The following PARD3 variants were observed in gnomAD, a reference collection of about 807,000 sequenced individuals.
PARD3 encodes par-3 family cell polarity regulator, also known as partitioning defective 3 homolog.
A neutral mutation model predicts 155.4 loss-of-function variants in PARD3; 75 were observed. The ratio of observed to expected loss-of-function variants is 0.48; its 90% CI spans 0.40 to 0.58. PARD3 has a LOEUF of 0.58. PARD3 is among the 20% of genes least tolerant of loss of function. PARD3 has a pLI of 0.00. For missense variants in PARD3, 1,642 were observed against 1,721.7 expected (o/e 0.95, Z 0.82); for synonymous variants, 576 against 610.5 (o/e 0.94, Z 0.83).
At chr10:34,178,134 C>A (rs1399046231) in intron 22 of PARD3, among the ~76,000 whole-genome samples, 1 of 152,170 alleles carries the variant, frequency 6.6e-6, no homozygotes, top group Non-Finnish European at 1.5e-5. Context: ...GGCTGCAAAT[C>A]TCTGAAAATC....
rs58993670 is a variant in PARD3 at position 34,756,150 on chromosome 10, CTTTTTTTTTT to C, written c.120+58716_120+58725del. Among the ~76,000 whole-genome samples the C allele has an allele frequency of 1.2e-4, 11 of 94,544 alleles. No individual in the cohort carries two copies. In the East Asian group the frequency reaches 3.9e-3, roughly 34 times the overall value. 62.0% of individuals were successfully genotyped at this position (94,544 alleles called of 152,430 possible). On this transcript the variant is annotated intron_variant, in intron 1 of 24. Transcript: ENST00000374788. Reference sequence around the variant, plus strand: ...ATCTCCCCATGGCAAAAAAATGCACCTTTTTTTTTTTTTTTTTTTTTGAGACGGAGTCTTA... The same window carrying C: ...ATCTCCCCATGGCAAAAAAATGCACCTTTTTTTTTTTGAGACGGAGTCTTA...
chr10:34,327,042 C>A (rs929140723), intron 19 of PARD3, among the ~76,000 whole-genome samples: 1 of 152,020 alleles, frequency 6.6e-6, no homozygotes, highest in African/African-American at 2.4e-5. Flanking sequence ...CTTTTAATTA[C>A]GAAAAAGTAG....
chr10:34,725,434 T>A (rs2094690060), intron 1 of PARD3, among the ~76,000 whole-genome samples: 1 of 152,094 alleles, frequency 6.6e-6, no homozygotes, highest in African/African-American at 2.4e-5. Flanking sequence ...AGATTCCAGG[T>A]GTGAGCCACC....
chr10:34,182,219 G>A lies in PARD3; in HGVS notation c.3420-50636C>T, dbSNP rs528344921. 3.9e-5 allele frequency among the ~76,000 whole-genome samples: 6 copies of A among 152,304 alleles called. No homozygotes were observed. The East Asian group carries it at 9.7e-4, about 25-fold the overall frequency. On this transcript the variant is annotated intron_variant, in intron 22 of 24. Coordinates refer to ENST00000374788, the MANE Select transcript of PARD3 (RefSeq NM_001184785.2). ...CCCTGCCCCAGGCCATGCCTACCTTGCTGTTCTGACAGGCAGCTCCAGCAA... is the reference window on the plus strand; with the variant it reads ...CCCTGCCCCAGGCCATGCCTACCTTACTGTTCTGACAGGCAGCTCCAGCAA...
At chr10:34,417,334 T>C (rs1845769068) in intron 5 of PARD3, among the ~76,000 whole-genome samples, 1 of 152,156 alleles carries the variant, frequency 6.6e-6, no homozygotes, top group Non-Finnish European at 1.5e-5. Context: ...CTTTGCAGTT[T>C]TAAAAAGCCA....
At chr10:34,582,807 A>G (rs1004438985) in intron 2 of PARD3, among the ~76,000 whole-genome samples, 1 of 152,214 alleles carries the variant, frequency 6.6e-6, no homozygotes, top group Non-Finnish European at 1.5e-5. Context: ...GAGCTTTAAG[A>G]AGTTAAAGAC....
At chr10:34,304,712 CTTCA>C (rs1957318768) in intron 20 of PARD3, among the ~76,000 whole-genome samples, 1 of 152,130 alleles carries the variant, frequency 6.6e-6, no homozygotes, top group South Asian at 2.1e-4. Context: ...GTTTTAGTTT[CTTCA>C]TTCATAAAAC....
At chr10:34,540,470 C>T (rs1174396383) in intron 2 of PARD3, among the ~76,000 whole-genome samples, 11 of 152,274 alleles carry the variant, frequency 7.2e-5, no homozygotes, top group Admixed American at 2.6e-4. Context: ...GTTTCCTTTA[C>T]TTGGCCAGGC....
chr10:34,297,898 C>T (rs1589095613), intron 20 of PARD3, among the ~76,000 whole-genome samples: 1 of 152,204 alleles, frequency 6.6e-6, no homozygotes, highest in African/African-American at 2.4e-5. Context: ...AAACTACATT[C>T]CCCAGCTTCC....
chr10:34,255,162 C>T lies in PARD3; in HGVS notation c.3419+14495G>A, dbSNP rs539099243. 3.4e-4 allele frequency among the ~76,000 whole-genome samples: 52 copies of T among 151,938 alleles called. 1 individual carries two copies. The highest frequency in any genetic ancestry group is 5.9e-4 in the Non-Finnish European group (40 of 68,016). On this transcript the variant is annotated intron_variant, in intron 22 of 24. Coordinates refer to ENST00000374788, the MANE Select transcript of PARD3 (RefSeq NM_001184785.2). ...TTTTTTAGATCTCCCTCCTTTCTGCCACAGACCACACAGTGACTTTGTGAA... is the reference window on the plus strand; with the variant it reads ...TTTTTTAGATCTCCCTCCTTTCTGCTACAGACCACACAGTGACTTTGTGAA...
Position 34,814,949 on chromosome 10 carries a change from C to T in PARD3, c.47G>A (p.Cys16Tyr). ...GAAAACTTTCATGTGGCCGTCCCCG[C>T]ACGGCACGACCACCCGGGTCCGTCC... ...CFGRTRVVVP[C>Y]GDGHMKVFSL... The change falls in exon 1 of 25, where the codon TGC becomes TAC. Residue 16 changes from cysteine (C) to tyrosine (Y), a missense_variant. Cys to Tyr is a radical substitution (Grantham distance 194, BLOSUM62 -2). This residue lies in a region of PARD3 where 75 missense variants were observed against 65.3 expected (regional missense o/e 1.15). Transcript: ENST00000374788. 1 of 1,564,984 alleles carries T rather than the reference C, an allele frequency of 6.4e-7. No homozygotes were observed. Among genetic ancestry groups the T allele is most frequent in the Non-Finnish European group, 8.6e-7 (1 of 1,157,940 alleles).
chr10:34,691,836 G>A (rs1032068987), intron 2 of PARD3, among the ~76,000 whole-genome samples: 1 of 152,178 alleles, frequency 6.6e-6, no homozygotes. Flanking sequence ...ACAAAAACAA[G>A]CAACAGGGAA....
At chr10:34,140,552 C>T (rs1280013256) in intron 22 of PARD3, among the ~76,000 whole-genome samples, 1 of 152,160 alleles carries the variant, frequency 6.6e-6, no homozygotes, top group African/African-American at 2.4e-5. Context: ...TGAGGCCAAG[C>T]TGGCTAAAAA....
chr10:34,412,511 C>T (rs1845193325), intron 5 of PARD3, among the ~76,000 whole-genome samples: 1 of 152,090 alleles, frequency 6.6e-6, no homozygotes, highest in African/African-American at 2.4e-5. Flanking sequence ...TATTTCTTAC[C>T]AGAAATGGTC....
chr10:34,584,611 G>C (rs1344583135), intron 2 of PARD3, among the ~76,000 whole-genome samples: 1 of 152,042 alleles, frequency 6.6e-6, no homozygotes, highest in Non-Finnish European at 1.5e-5. Flanking sequence ...GAAAACAAAC[G>C]TTACCTGACT....
intron 19 of PARD3, among the ~76,000 whole-genome samples, chr10:34,323,558 T>C (rs1388070949): frequency 6.6e-6 from 1 of 152,186 alleles, no homozygotes; most frequent in Non-Finnish European, 1.5e-5. Context: ...ACTCTAAAAA[T>C]AGCTCTATTT....
At chr10:34,784,026 A>G (rs954600043) in intron 1 of PARD3, among the ~76,000 whole-genome samples, 3 of 152,102 alleles carry the variant, frequency 2.0e-5, no homozygotes, top group Non-Finnish European at 4.4e-5. Context: ...TGGGCAACAT[A>G]AAGAGACCAT....
chr10:34,605,197 T>C (rs1279392619), intron 2 of PARD3, among the ~76,000 whole-genome samples: 1 of 129,206 alleles, frequency 7.7e-6, no homozygotes, highest in Non-Finnish European at 1.6e-5. Flanking sequence ...TTTTTTTTTT[T>C]TTTTTTTTTT....
intron 22 of PARD3, among the ~76,000 whole-genome samples, chr10:34,206,385 C>T (rs1043831944): frequency 6.6e-5 from 10 of 152,312 alleles, no homozygotes; most frequent in East Asian, 5.8e-4. Flanking sequence ...AAATGGGCGG[C>T]GTTTGCCTGG....
Sources: allele counts gnomAD v4.1 joint callset (sites outside exome capture counted in the v4.1 genomes callset), GRCh38; gene constraint gnomAD v4.1.1; regional missense constraint gnomAD v4.1.1; transcripts MANE v1.5; gene names NCBI Gene and HGNC (gene_info 2026-07-23, HGNC 2026-07-21).